NEB: variants seen among roughly 807,000 people sequenced by gnomAD.
NEB encodes the protein nemaline myopathy type 2.
NEB carries 512 observed loss-of-function variants against 952.2 expected under a neutral mutation model. That is an observed-to-expected ratio of 0.54 (90% CI 0.50 to 0.58). The LOEUF (loss-of-function observed/expected upper bound fraction) is 0.58. Among genes scored for constraint, NEB ranks in the 20% least tolerant of loss-of-function variants. The pLI is 0.00. For missense variants in NEB, 8,428 were observed against 9,231.1 expected (o/e 0.91, Z 3.56); for synonymous variants, 2,900 against 3,149.8 (o/e 0.92, Z 2.66).
chr2:151,726,764 G>A (rs1314528055), intron 5 of NEB, among the ~76,000 whole-genome samples: 1 of 152,172 alleles, frequency 6.6e-6, no homozygotes, highest in Non-Finnish European at 1.5e-5. Flanking sequence ...GGTGGCTTAT[G>A]CCTATAATTC....
Position 151,567,319 on chromosome 2 carries a change from A to G in NEB, c.18005T>C (p.Ile6002Thr). The G allele has an allele frequency of 6.2e-7, 1 of 1,613,930 alleles. No individual in the cohort carries two copies. The highest frequency in any genetic ancestry group is 1.1e-5 in the South Asian group (1 of 91,080). ...DYHKTKAKIN[I>T]PADMVSVLAA... ...CAAGACTGACACCATATCAGCAGGT[A>G]TATTGATTTTGGCCTTTGTTTTGTG... Residue 6002 changes from isoleucine to threonine, a missense_variant, in exon 114 of 182, where the codon ATA becomes ACA. By Grantham distance (89) the Ile-to-Thr change is moderately conservative. Transcript: ENST00000397345.
At chr2:151,487,468 T>C (rs2051774424) in intron 181 of NEB, among the ~76,000 whole-genome samples, 1 of 152,212 alleles carries the variant, frequency 6.6e-6, no homozygotes. Flanking sequence ...GGAACATTAC[T>C]ATAAATAATA....
chr2:151,560,732 G>T, intron 123 of NEB, 33 bp from the exon 124 acceptor site: 1 of 1,514,064 alleles, frequency 6.6e-7, no homozygotes, highest in African/African-American at 1.4e-5. Context: ...TGTGAATATG[G>T]GAAAATGCAT....
chr2:151,560,472 C>T (rs950897271), intron 124 of NEB, 120 bp downstream of exon 124: 1 of 768,634 alleles, frequency 1.3e-6, no homozygotes, highest in Non-Finnish European at 2.2e-6. Flanking sequence ...CCTGGACATG[C>T]CCACGGGAGT....
chr2:151,702,729 C>T (rs542924938), intron 13 of NEB, among the ~76,000 whole-genome samples: 1 of 152,190 alleles, frequency 6.6e-6, no homozygotes, highest in South Asian at 2.1e-4. Context: ...GGTAGATCTT[C>T]CACCATCCTT....
chr2:151,552,746 T>G lies in NEB; in HGVS notation c.19762A>C (p.Arg6588=). 6.2e-7 allele frequency: 1 copy of G among 1,613,256 alleles called. No homozygotes were observed. The highest frequency in any genetic ancestry group is 8.5e-7 in the Non-Finnish European group (1 of 1,179,494). ...TCTGTGACAAGCTTGTAGTCATTCCTTGTTTTCAACATGTGAGCTTTATAC... is the reference window on the plus strand; with the variant it reads ...TCTGTGACAAGCTTGTAGTCATTCCGTGTTTTCAACATGTGAGCTTTATAC... ...IKYKAHMLKT[R]NDYKLVTDTP... is the part of the protein sequence containing the mutation. Residue 6588 remains arginine (R), a synonymous_variant, in exon 128 of 182, where the codon AGG becomes CGG. Coordinates refer to ENST00000397345, the MANE Select transcript of NEB (RefSeq NM_001164508.2).
rs78420579 is a variant in NEB at position 151,664,541 on chromosome 2, G to T, written c.5411C>A (p.Ala1804Glu). Residue 1804 changes from alanine to glutamate, a missense_variant, in exon 44 of 182, where the codon GCA becomes GAA. Physicochemically the swap from Ala to Glu is moderately radical, Grantham distance 107. Around this residue, in one of 11 missense-constraint regions of NEB, gnomAD observed 2,851 missense variants for 2,791.5 expected, o/e 1.02. Transcript: ENST00000397345. Reference protein sequence around the residue: ...KGYDLRPDAIAIKAARASRDI... With the variant: ...KGYDLRPDAIEIKAARASRDI... ...TCTAGAGGCTCTTGCAGCCTTTATT[G>T]CAATGGCATCAGGCCTCAGGTCATA... The T allele has an allele frequency of 4.6e-4, 732 of 1,607,272 alleles. 8 individuals are homozygous for T. In the East Asian group the frequency reaches 0.016, roughly 35 times the overall value.
intron 170 of NEB, 80 bp from the exon 171 acceptor site, chr2:151,497,798 A>AG: frequency 6.5e-7 from 1 of 1,539,992 alleles, no homozygotes; most frequent in Non-Finnish European, 8.7e-7. Flanking sequence ...TGAGGAAAAA[A>AG]CACAGTCATC....
rs780439412 is a variant in NEB, at chr2:151,492,400, C to T, written c.24860G>A (p.Arg8287Gln). ...PEMRRVRETQ[R>Q]HISTVKYHED... ...TTCCTGACTCACCGTTGAGATGTGC[C>T]GTTGGGTCTCCCTCACCCGTCTCAT... The change falls in exon 177 of 182, where the codon CGG becomes CAG. Residue 8287 changes from arginine to glutamine, a missense_variant. Coordinates refer to ENST00000397345, the MANE Select transcript of NEB (RefSeq NM_001164508.2). 1.2e-5 allele frequency: 20 copies of T among 1,604,366 alleles called. No individual in the cohort carries two copies. The East Asian group carries it at 1.6e-4, about 13-fold the overall frequency.
intron 12 of NEB, 79 bp downstream of exon 12, chr2:151,709,577 A>C: frequency 9.0e-7 from 1 of 1,106,348 alleles, no homozygotes; most frequent in Non-Finnish European, 1.3e-6. Context: ...CTTTTTTACT[A>C]ATTATATACA....
chr2:151,516,579 C>A lies in NEB; in HGVS notation c.22801-16G>T. The stretch of plus-strand genomic sequence containing the variant: ...TGTATTTCACCTGGTGATAGAAAGC[C>A]ATGTTAGATATCTCTCCTCTGGTCA... On this transcript the variant is annotated splice_polypyrimidine_tract_variant and intron_variant, in intron 156 of 181. Coordinates refer to ENST00000397345, the MANE Select transcript of NEB (RefSeq NM_001164508.2). 5 of 1,511,714 alleles carry A rather than the reference C, an allele frequency of 3.3e-6. No individual in the cohort carries two copies. The highest frequency in any genetic ancestry group is 4.6e-6 in the Non-Finnish European group (5 of 1,090,888). The allele number at this position is 1,511,714 out of a possible 1,614,324, so 93.6% of individuals were successfully genotyped here.
intron 156 of NEB, among the ~76,000 whole-genome samples, chr2:151,517,708 G>T (rs1200949001): frequency 6.6e-6 from 1 of 152,126 alleles, no homozygotes; most frequent in Non-Finnish European, 1.5e-5. Flanking sequence ...GAAATCTGTA[G>T]GCACTTGTAA....
Position 151,688,338 on chromosome 2 carries a change from G to C in NEB, c.2369C>G (p.Ala790Gly). The part of the protein sequence containing the change: ...EKFKCHIPAD[A>G]PQFIQHRVNA... ...GACTCTGTGTTGGATAAACTGTGGA[G>C]CATCTGCTGGTATATGGCACTTGAA... The change falls in exon 25 of 182, where the codon GCT becomes GGT. Residue 790 changes from alanine (A) to glycine (G), a missense_variant. Around this residue, in one of 11 missense-constraint regions of NEB, gnomAD observed 2,851 missense variants for 2,791.5 expected, o/e 1.02. Transcript: ENST00000397345. 11 of 1,613,898 alleles carry C rather than the reference G, an allele frequency of 6.8e-6. No homozygotes were observed. Among genetic ancestry groups the C allele is most frequent in the Non-Finnish European group, 9.3e-6 (11 of 1,179,826 alleles).
rs549507691 is a variant in NEB at position 151,664,799 on chromosome 2, T to G, written c.5303A>C (p.Asp1768Ala). The change falls in exon 43 of 182, where the codon GAT becomes GCT. Residue 1768 changes from aspartate to alanine, a missense_variant. Physicochemically the swap from Asp to Ala is moderately radical, Grantham distance 126 (BLOSUM62 -2). Coordinates refer to ENST00000397345, the MANE Select transcript of NEB (RefSeq NM_001164508.2). ...TTGGTTTACTCTGGAGAGTAAAATATCCGGTGTGTCAGGCATGACATGAAT... is the reference window on the plus strand; with the variant it reads ...TTGGTTTACTCTGGAGAGTAAAATAGCCGGTGTGTCAGGCATGACATGAAT... ...TTIHVMPDTP[D>A]ILLSRVNQIT... 1.9e-6 allele frequency: 3 copies of G among 1,612,994 alleles called. No homozygotes were observed. The African/African-American group carries it at 4.0e-5, about 22-fold the overall frequency.
At chr2:151,488,579 G>A (rs569237119) in intron 181 of NEB, among the ~76,000 whole-genome samples, 2 of 152,072 alleles carry the variant, frequency 1.3e-5, no homozygotes, top group South Asian at 2.1e-4. Context: ...CCATGAAGTC[G>A]AGACTGCAGC....
Position 151,696,751 on chromosome 2 carries a change from G to C in NEB, c.1471-16C>G, listed in dbSNP as rs1384802659. On this transcript the variant is annotated splice_polypyrimidine_tract_variant and intron_variant, in intron 16 of 181. Coordinates refer to ENST00000397345, the MANE Select transcript of NEB (RefSeq NM_001164508.2). The stretch of plus-strand genomic sequence containing the variant: ...TGTAGGTGTGCTGTGGGGAAGCAAA[G>C]GCATTTGGTTTAGTAGTATCACCTG... The C allele has an allele frequency of 2.5e-6, 4 of 1,604,596 alleles. No individual in the cohort carries two copies. The African/African-American group carries it at 4.0e-5, about 16-fold the overall frequency.
chr2:151,725,504 T>G lies in NEB; in HGVS notation c.351A>C (p.Thr117=), dbSNP rs1359833355. The G allele has an allele frequency of 1.9e-6, 3 of 1,613,782 alleles. No homozygotes were observed. The South Asian group carries it at 3.3e-5, about 18-fold the overall frequency. Residue 117 remains threonine (T), a synonymous_variant, in exon 6 of 182, where the codon ACA becomes ACC. Coordinates refer to ENST00000397345, the MANE Select transcript of NEB (RefSeq NM_001164508.2). ...KTKGQPYAST[T]DTPELRRIKK... Reference sequence around the variant, plus strand: ...TGATTCTGCGAAGTTCTGGAGTATCTGTTGTGCTGGCGTATGGCTGTCCTT... The same window carrying G: ...TGATTCTGCGAAGTTCTGGAGTATCGGTTGTGCTGGCGTATGGCTGTCCTT...
intron 156 of NEB, among the ~76,000 whole-genome samples, 170 bp from the exon 157 acceptor site, chr2:151,516,733 G>C (rs1265302274): frequency 1.3e-5 from 2 of 152,142 alleles, no homozygotes; most frequent in African/African-American, 4.8e-5. Flanking sequence ...TTGTTGTCTA[G>C]GTGTTGAGGG....
intron 181 of NEB, among the ~76,000 whole-genome samples, chr2:151,487,650 A>G (rs1574372244): frequency 6.6e-6 from 1 of 152,186 alleles, no homozygotes; most frequent in African/African-American, 2.4e-5. Flanking sequence ...TTCTTACACT[A>G]TAATGAGCAT....
Sources: gnomAD v4.1 joint callset for allele counts (sites outside exome capture counted in the v4.1 genomes callset) on GRCh38, gnomAD v4.1.1 for gene constraint, gnomAD v4.1.1 regional missense constraint, MANE v1.5 for transcripts, NCBI Gene and HGNC (gene_info 2026-07-23, HGNC 2026-07-21) for gene names.